SEMA3C: variants seen among roughly 807,000 people sequenced by gnomAD.
SEMA3C encodes the protein semaphorin-3C.
SEMA3C carries 47 observed loss-of-function variants against 89.4 expected under a neutral mutation model. The observed-to-expected ratio is 0.53, with a 90% CI of 0.42 to 0.67. The LOEUF is 0.67. Among genes scored for constraint, SEMA3C ranks in the 30% least tolerant of loss-of-function variants. SEMA3C has a pLI of 0.00. For missense variants in SEMA3C, 839 were observed against 929.1 expected (o/e 0.90, Z 1.26); for synonymous variants, 310 against 320.2 (o/e 0.97, Z 0.34).
At chr7:80,784,877 T>C (rs886070290) in intron 12 of SEMA3C, among the ~76,000 whole-genome samples, 3 of 152,150 alleles carry the variant, frequency 2.0e-5, no homozygotes, top group Non-Finnish European at 4.4e-5. Context: ...GTATGTACCA[T>C]ACAGAACATA....
At chr7:80,837,757 C>T (rs868169414) in intron 2 of SEMA3C, among the ~76,000 whole-genome samples, 24 of 152,284 alleles carry the variant, frequency 1.6e-4, no homozygotes, top group South Asian at 6.2e-4. Context: ...AAAGCTTTCT[C>T]GATCCTTTAG....
chr7:80,798,793 T>C (rs909016007), intron 10 of SEMA3C, among the ~76,000 whole-genome samples: 1 of 152,210 alleles, frequency 6.6e-6, no homozygotes, highest in African/African-American at 2.4e-5. Context: ...AAAAAATTCA[T>C]TAAACCATCT....
chr7:80,896,911 C>T (rs1041413886), intron 2 of SEMA3C, among the ~76,000 whole-genome samples: 2 of 152,118 alleles, frequency 1.3e-5, no homozygotes, highest in African/African-American at 4.8e-5. Flanking sequence ...TCAATTTCTT[C>T]ACCCTCTCCT....
At chr7:80,919,076 G>C, upstream of SEMA3C, 1 of 985,264 alleles carries the variant, frequency 1.0e-6, no homozygotes, top group Non-Finnish European at 1.2e-6. Context: ...CGGAGGCCGG[G>C]GGCGAGCGCT....
chr7:80,798,179 C>A lies in SEMA3C; in HGVS notation c.1044G>T (p.Val348=), dbSNP rs1880959. Residue 348 remains valine, a synonymous_variant, in exon 11 of 18, where the codon GTG becomes GTT. Transcript: ENST00000265361. ...CTTTGTGGGCAAAAGGCCCATTAAACACAGTCTGTATATCAGATAAATGAT... is the reference window on the plus strand; with the variant it reads ...CTTTGTGGGCAAAAGGCCCATTAAAAACAGTCTGTATATCAGATAAATGAT... ...CVYHLSDIQT[V]FNGPFAHKEG... 0.085 allele frequency: 136,789 copies of A among 1,605,138 alleles called. 6,331 individuals carry two copies. Among genetic ancestry groups the A allele is most frequent in the Non-Finnish European group, 0.097 (113,802 of 1,175,944 alleles).
At chr7:80,800,719 A>T in intron 10 of SEMA3C, 38 bp downstream of exon 10, 1 of 1,237,228 alleles carries the variant, frequency 8.1e-7, no homozygotes. Flanking sequence ...CATGAAGTTT[A>T]TTGTTTAACT....
intron 12 of SEMA3C, among the ~76,000 whole-genome samples, chr7:80,766,640 T>C (rs1788311334): frequency 7.3e-6 from 1 of 137,786 alleles, no homozygotes; most frequent in Non-Finnish European, 1.5e-5. Context: ...TTGTGTGTTT[T>C]GTCCAATTCT....
At chr7:80,917,192 G>A (rs1792298345) in intron 1 of SEMA3C, among the ~76,000 whole-genome samples, 1 of 152,094 alleles carries the variant, frequency 6.6e-6, no homozygotes, top group Non-Finnish European at 1.5e-5. Flanking sequence ...GAATATTACT[G>A]GATGAGAACT....
intron 1 of SEMA3C, among the ~76,000 whole-genome samples, chr7:80,917,335 G>C (rs1276292235): frequency 6.6e-6 from 1 of 152,138 alleles, no homozygotes; most frequent in Non-Finnish European, 1.5e-5. Context: ...ATAAATCTAT[G>C]TGTGCTCAAT....
intron 12 of SEMA3C, among the ~76,000 whole-genome samples, chr7:80,782,052 A>G (rs1788703336): frequency 6.6e-6 from 1 of 152,182 alleles, no homozygotes; most frequent in Non-Finnish European, 1.5e-5. Context: ...CATTTTGAAT[A>G]TAGATATGAG....
intron 14 of SEMA3C, among the ~76,000 whole-genome samples, chr7:80,759,698 T>C (rs1340838144): frequency 6.6e-6 from 1 of 152,200 alleles, no homozygotes; most frequent in Admixed American, 6.5e-5. Flanking sequence ...AATCAATTAT[T>C]TGAATCACAT....
chr7:80,747,142 T>C (rs1236336676), intron 17 of SEMA3C, among the ~76,000 whole-genome samples: 1 of 152,112 alleles, frequency 6.6e-6, no homozygotes, highest in African/African-American at 2.4e-5. Flanking sequence ...ATACTTGTGT[T>C]AGAGCTAATG....
Position 80,913,849 on chromosome 7 carries a change from C to T in SEMA3C, c.103+2830G>A, listed in dbSNP as rs140616320. On this transcript the variant is annotated intron_variant, in intron 2 of 17. Transcript: ENST00000265361. Reference sequence around the variant, plus strand: ...ATGTTATTACTCCATTATTTCACCACAAGAAAAAGGGATGGAACATGAATG... The same window carrying T: ...ATGTTATTACTCCATTATTTCACCATAAGAAAAAGGGATGGAACATGAATG... Among the ~76,000 whole-genome samples, 15 of 152,254 alleles carry T rather than the reference C, an allele frequency of 9.9e-5. No homozygotes were observed. The East Asian group carries it at 2.7e-3, about 27-fold the overall frequency.
chr7:80,783,071 A>G (rs1468591548), intron 12 of SEMA3C, among the ~76,000 whole-genome samples: 2 of 152,210 alleles, frequency 1.3e-5, no homozygotes, highest in Non-Finnish European at 2.9e-5. Flanking sequence ...TACAATCATT[A>G]CATGAGATTT....
At chr7:80,852,919 C>T (rs1790550289) in intron 2 of SEMA3C, among the ~76,000 whole-genome samples, 2 of 152,058 alleles carry the variant, frequency 1.3e-5, no homozygotes, top group East Asian at 1.9e-4. Flanking sequence ...ACCTCGTGAT[C>T]CGCCCGCCTC....
intron 15 of SEMA3C, among the ~76,000 whole-genome samples, chr7:80,756,662 T>C (rs1279720514): frequency 1.3e-5 from 2 of 152,336 alleles, no homozygotes; most frequent in East Asian, 3.9e-4. Context: ...GCAGCCTCAC[T>C]AGCTTTAGGG....
chr7:80,851,504 T>TA lies in SEMA3C; in HGVS notation c.104-22760dup, dbSNP rs35936052. 9.2e-3 allele frequency among the ~76,000 whole-genome samples: 642 copies of TA among 69,788 alleles called. 42 individuals carry two copies. The highest frequency in any genetic ancestry group is 0.031 in the East Asian group (78 of 2,480). The allele number at this position is 69,788 out of a possible 152,430, so 45.8% of individuals were successfully genotyped here. On this transcript the variant is annotated intron_variant, in intron 2 of 17. Transcript: ENST00000265361. ...GGTGACAGAGCAAGACTCTTGTCTT[T>TA]AAAAAAAAAAAAAAAAAAAAAAAAA...
intron 12 of SEMA3C, among the ~76,000 whole-genome samples, chr7:80,787,885 T>G (rs573833602): frequency 2.0e-5 from 3 of 152,150 alleles, no homozygotes; most frequent in African/African-American, 4.8e-5. Context: ...AAGAGAGGAA[T>G]AGTGAAAACT....
At chr7:80,881,184 C>A (rs1275695629) in intron 2 of SEMA3C, among the ~76,000 whole-genome samples, 1 of 151,210 alleles carries the variant, frequency 6.6e-6, no homozygotes, top group Non-Finnish European at 1.5e-5. Flanking sequence ...CACACACACA[C>A]ACACACACAC....
Sources: allele counts gnomAD v4.1 joint callset (sites outside exome capture counted in the v4.1 genomes callset), GRCh38; gene constraint gnomAD v4.1.1; transcripts MANE v1.5; gene names NCBI Gene and HGNC (gene_info 2026-07-23, HGNC 2026-07-21).